GNA11: variants seen among roughly 807,000 people sequenced by gnomAD.
GNA11 encodes G protein subunit alpha 11.
Under a neutral mutation model 38.2 loss-of-function variants are expected in GNA11, and 8 were observed. That is an observed-to-expected ratio of 0.21 (90% CI 0.12 to 0.38). The LOEUF (loss-of-function observed/expected upper bound fraction) is 0.38, where lower values mean the gene tolerates loss of function less well. Among genes scored for constraint, GNA11 ranks in the 10% least tolerant of loss-of-function variants. The pLI is 1.00. For synonymous variants in GNA11, 211 were observed against 221.4 expected, an observed-to-expected ratio of 0.95 and a Z score of 0.42; for missense variants, 268 against 516.3, an observed-to-expected ratio of 0.52 and a Z score of 4.66.
chr19:3,096,789 G>A (rs1432709413), intron 1 of GNA11, among the ~76,000 whole-genome samples: 1 of 151,550 alleles, frequency 6.6e-6, no homozygotes, highest in African/African-American at 2.4e-5. Flanking sequence ...AGGGCCAGGC[G>A]TGGCAGATAG....
At chr19:3,100,540 C>G (rs8105846) in intron 1 of GNA11, among the ~76,000 whole-genome samples, 11,463 of 152,282 alleles carry the variant, frequency 0.075, 763 homozygotes, top group African/African-American at 0.18. Context: ...GACACCTCCC[C>G]AATGCCCTGC....
Position 3,122,589 on chromosome 19 carries a change from C to T in GNA11, c.*1410C>T, listed in dbSNP as rs1207282337. 1 of 233,178 alleles carries T rather than the reference C, an allele frequency of 4.3e-6. No homozygotes were observed. The highest frequency in any genetic ancestry group is 1.8e-4 in the South Asian group (1 of 5,526). The allele number at this position is 233,178 out of a possible 1,614,324, so 14.4% of individuals were successfully genotyped here. ...ACTGTGTTTGGGGAGGTGGCTTTTT[C>T]GTCTGCTGTTGACTGAACACTACAG... On this transcript the variant is annotated 3_prime_UTR_variant, in exon 7 of 7. Transcript: ENST00000078429. The surrounding 1 kb of genome is among the most constrained non-coding windows in gnomAD (Gnocchi z 7.7).
intron 1 of GNA11, among the ~76,000 whole-genome samples, chr19:3,103,521 T>TTTTTTTTTTG (rs1913558000): frequency 2.9e-5 from 1 of 34,078 alleles, no homozygotes; most frequent in Non-Finnish European, 6.5e-5. Context: ...CCTTGAATCT[T>TTTTTTTTTTG]TTTTTTTTTT....
intron 1 of GNA11, among the ~76,000 whole-genome samples, chr19:3,095,229 C>T (rs140742494): frequency 2.0e-5 from 3 of 152,258 alleles, no homozygotes; most frequent in East Asian, 3.9e-4. Flanking sequence ...ATCAGGCCCC[C>T]GATCACTCCT....
intron 2 of GNA11, among the ~76,000 whole-genome samples, chr19:3,111,343 G>A (rs970365069): frequency 1.2e-4 from 18 of 150,758 alleles, no homozygotes; most frequent in Admixed American, 5.3e-4. Context: ...CTCCAGCCCC[G>A]GCACCCACAC....
chr19:3,100,542 A>G (rs967938424), intron 1 of GNA11, among the ~76,000 whole-genome samples: 15 of 152,166 alleles, frequency 9.9e-5, no homozygotes, highest in Non-Finnish European at 7.4e-5. Context: ...CACCTCCCCA[A>G]TGCCCTGCAG....
chr19:3,116,915 C>T (rs1253245260), intron 4 of GNA11, among the ~76,000 whole-genome samples: 2 of 152,070 alleles, frequency 1.3e-5, no homozygotes, highest in African/African-American at 4.8e-5. Flanking sequence ...GCTGGGGGTG[C>T]CACCCCCTGC....
intron 1 of GNA11, among the ~76,000 whole-genome samples, chr19:3,103,666 C>T (rs1913563545): frequency 6.6e-6 from 1 of 150,850 alleles, no homozygotes. Context: ...GCTGGGATTA[C>T]AAGCGCCCAC....
Position 3,110,390 on chromosome 19 carries a change from G to A in GNA11, c.321+57G>A. 5 of 1,435,286 alleles carry A rather than the reference G, an allele frequency of 3.5e-6. No individual in the cohort carries two copies. The highest frequency in any genetic ancestry group is 4.9e-6 in the Non-Finnish European group (5 of 1,030,302). 88.9% of individuals were successfully genotyped at this position (1,435,286 alleles called of 1,614,324 possible). ...CCTGGGCAGCTGTGGGCTTGGTGGTGAGCATGGTGGCCGCGCTGCCAGGGT... is the reference window on the plus strand; with the variant it reads ...CCTGGGCAGCTGTGGGCTTGGTGGTAAGCATGGTGGCCGCGCTGCCAGGGT... On this transcript the variant is annotated intron_variant, in intron 2 of 6. Transcript: ENST00000078429. This position sits in a 1 kb window ranked among gnomAD's most constrained non-coding sequence, Gnocchi z 5.4.
chr19:3,115,837 C>T (rs1913902028), intron 4 of GNA11, among the ~76,000 whole-genome samples: 1 of 53,368 alleles, frequency 1.9e-5, no homozygotes, highest in South Asian at 6.8e-4. Context: ...GTCATAGGGA[C>T]TGAGTGGGGA....
intron 2 of GNA11, among the ~76,000 whole-genome samples, chr19:3,112,174 C>T (rs999145178): frequency 6.6e-6 from 1 of 152,240 alleles, no homozygotes; most frequent in Non-Finnish European, 1.5e-5. Flanking sequence ...AAGCAGATTG[C>T]TGCTGTCTAA....
At chr19:3,109,831 G>A (rs535997750) in intron 1 of GNA11, among the ~76,000 whole-genome samples, 13 of 152,330 alleles carry the variant, frequency 8.5e-5, no homozygotes, top group East Asian at 3.9e-4. Flanking sequence ...GGTGCCGTGC[G>A]ACTTGATTTG....
At position 3,108,921 on chromosome 19, in the gene GNA11, G is replaced by A. The variant is rs1019539599; in HGVS notation, c.137-1228G>A. ...AGTTCCTCACCACGTGGGCCTCTCCGTGAAGCTGCTTGAGGGTCCTCACAG... is the reference window on the plus strand; with the variant it reads ...AGTTCCTCACCACGTGGGCCTCTCCATGAAGCTGCTTGAGGGTCCTCACAG... On this transcript the variant is annotated intron_variant, in intron 1 of 6. Transcript: ENST00000078429. This position sits in a 1 kb window ranked among gnomAD's most constrained non-coding sequence, Gnocchi z 4.5. 6.6e-6 allele frequency among the ~76,000 whole-genome samples: 1 copy of A among 152,158 alleles called. No homozygotes were observed. The highest frequency in any genetic ancestry group is 1.5e-5 in the Non-Finnish European group (1 of 68,032).
chr19:3,117,174 G>A (rs1913944995), intron 4 of GNA11: 1 of 152,210 alleles, frequency 6.6e-6, no homozygotes, highest in Admixed American at 6.5e-5. Flanking sequence ...ATTCACACGG[G>A]GCCCATGACC....
chr19:3,111,127 A>G (rs900634121), intron 2 of GNA11, among the ~76,000 whole-genome samples: 1 of 150,584 alleles, frequency 6.6e-6, no homozygotes, highest in Non-Finnish European at 1.5e-5. Context: ...TTTTTTGATA[A>G]AGTAGAGGTC....
At chr19:3,106,030 A>G (rs1913630969) in intron 1 of GNA11, among the ~76,000 whole-genome samples, 1 of 152,096 alleles carries the variant, frequency 6.6e-6, no homozygotes, top group African/African-American at 2.4e-5. Context: ...CAGCTGTTGA[A>G]GATTTTGGAG....
intron 1 of GNA11, among the ~76,000 whole-genome samples, chr19:3,097,491 G>C (rs1244973490): frequency 6.6e-6 from 1 of 152,208 alleles, no homozygotes; most frequent in African/African-American, 2.4e-5. Flanking sequence ...TTTCTTCCAG[G>C]CTCTGGGGCA....
At chr19:3,103,519 C>CTTTTTTT (rs760497682) in intron 1 of GNA11, among the ~76,000 whole-genome samples, 1,967 of 45,812 alleles carry the variant, frequency 0.043, 512 homozygotes, top group Non-Finnish European at 0.06. Flanking sequence ...GGCCTTGAAT[C>CTTTTTTT]TTTTTTTTTT....
chr19:3,109,909 A>G (rs750985101), intron 1 of GNA11, among the ~76,000 whole-genome samples: 1 of 152,140 alleles, frequency 6.6e-6, no homozygotes, highest in African/African-American at 2.4e-5. Flanking sequence ...GTCCTTGCAG[A>G]ACTTCTGGAA....
Sources: gnomAD v4.1 joint callset for allele counts (sites outside exome capture counted in the v4.1 genomes callset) on GRCh38, gnomAD v4.1.1 for gene constraint, Gnocchi (gnomAD v3.1) non-coding constraint, MANE v1.5 for transcripts, NCBI Gene and HGNC (gene_info 2026-07-23, HGNC 2026-07-21) for gene names.